FARS2: variants seen among roughly 807,000 people sequenced by gnomAD.
FARS2 encodes the protein phenylalanyl-tRNA synthetase 2, mitochondrial.
Under a neutral mutation model 46.4 loss-of-function variants are expected in FARS2, and 40 were observed. The observed-to-expected ratio is 0.86, with a 90% CI of 0.67 to 1.12. The LOEUF (loss-of-function observed/expected upper bound fraction) is 1.12, where lower values mean the gene tolerates loss of function less well. Among genes scored for constraint, FARS2 ranks in the 50% most tolerant of loss-of-function variants. FARS2 has a pLI of 0.00. For missense variants in FARS2, 513 were observed against 567.9 expected, an observed-to-expected ratio of 0.90 and a Z score of 0.98; for synonymous variants, 234 against 214.9, an observed-to-expected ratio of 1.09 and a Z score of -0.78.
chr6:5,498,255 A>G (rs1767586495), intron 4 of FARS2, among the ~76,000 whole-genome samples: 1 of 152,232 alleles, frequency 6.6e-6, no homozygotes, highest in South Asian at 2.1e-4. Flanking sequence ...TCAGTTCTGG[A>G]TTATCTCAAA....
chr6:5,737,094 G>GC (rs1242788577), intron 6 of FARS2, among the ~76,000 whole-genome samples: 1 of 152,166 alleles, frequency 6.6e-6, no homozygotes. Flanking sequence ...TAGCAACACA[G>GC]ATGACCCTGC....
intron 1 of FARS2, among the ~76,000 whole-genome samples, chr6:5,321,553 G>A: frequency 6.6e-6 from 1 of 151,860 alleles, no homozygotes; most frequent in Non-Finnish European, 1.5e-5. Context: ...ACTGTGCAGG[G>A]GTGAAGAGGT....
chr6:5,286,935 A>G (rs1036694930), intron 1 of FARS2, among the ~76,000 whole-genome samples: 1 of 152,238 alleles, frequency 6.6e-6, no homozygotes, highest in African/African-American at 2.4e-5. Context: ...CCCGTAGTGC[A>G]GAAAGCCTGA....
intron 4 of FARS2, among the ~76,000 whole-genome samples, chr6:5,529,946 C>T (rs1193466253): frequency 6.6e-6 from 1 of 152,230 alleles, no homozygotes; most frequent in Non-Finnish European, 1.5e-5. Flanking sequence ...AGGCAGCCAA[C>T]ACCAGACATG....
chr6:5,333,936 C>T (rs1413673236), intron 1 of FARS2, among the ~76,000 whole-genome samples: 2 of 152,198 alleles, frequency 1.3e-5, no homozygotes, highest in Non-Finnish European at 2.9e-5. Context: ...GGAATGCCTC[C>T]TCTGGCATCC....
At chr6:5,527,951 GC>G (rs1769572392) in intron 4 of FARS2, among the ~76,000 whole-genome samples, 1 of 152,170 alleles carries the variant, frequency 6.6e-6, no homozygotes, top group Admixed American at 6.5e-5. Flanking sequence ...TGTACTGGGG[GC>G]TAGTCAAAGG....
chr6:5,463,644 C>A (rs1323888495), intron 4 of FARS2, among the ~76,000 whole-genome samples: 1 of 151,916 alleles, frequency 6.6e-6, no homozygotes. Flanking sequence ...CTGTGGATTT[C>A]ATTTCTTATG....
intron 5 of FARS2, among the ~76,000 whole-genome samples, chr6:5,582,134 C>A (rs6597146): frequency 1.1e-5 from 1 of 94,946 alleles, no homozygotes; most frequent in Admixed American, 1.1e-4. Flanking sequence ...AACATACTTC[C>A]GGTTAATTCC....
At chr6:5,567,252 C>G (rs572151592) in intron 5 of FARS2, among the ~76,000 whole-genome samples, 5 of 152,330 alleles carry the variant, frequency 3.3e-5, no homozygotes, top group African/African-American at 1.2e-4. Context: ...TTGCATTTCT[C>G]TAATGACTAG....
intron 5 of FARS2, among the ~76,000 whole-genome samples, chr6:5,547,920 C>G (rs1354314675): frequency 6.6e-6 from 1 of 152,194 alleles, no homozygotes; most frequent in African/African-American, 2.4e-5. Context: ...ACCTTTTCAA[C>G]TGTATTAGTC....
chr6:5,378,115 G>A (rs1230404143), intron 2 of FARS2, among the ~76,000 whole-genome samples: 3 of 152,134 alleles, frequency 2.0e-5, no homozygotes, highest in Non-Finnish European at 2.9e-5. Flanking sequence ...TACTGGAATG[G>A]CCCTTCATCA....
rs116695665 is a variant in FARS2 at position 5,425,349 on chromosome 6, A to G, written c.773-5692A>G. On this transcript the variant is annotated intron_variant, in intron 3 of 6. Coordinates refer to ENST00000274680, the MANE Select transcript of FARS2 (RefSeq NM_006567.5). ...AAACGGTATGGGAAACAGCAGAAGA[A>G]TCTCTTTAATGAGTCAATAAATCAG... Among the ~76,000 whole-genome samples the G allele has an allele frequency of 5.5e-3, 841 of 152,328 alleles. 5 individuals carry two copies. The highest frequency in any genetic ancestry group is 0.019 in the African/African-American group (794 of 41,572).
chr6:5,463,078 A>G (rs969315455), intron 4 of FARS2, among the ~76,000 whole-genome samples: 1 of 152,188 alleles, frequency 6.6e-6, no homozygotes, highest in African/African-American at 2.4e-5. Flanking sequence ...TCCAGTAACT[A>G]TTTACGAAAG....
chr6:5,405,891 T>G (rs1310692853), intron 3 of FARS2, among the ~76,000 whole-genome samples: 1 of 152,166 alleles, frequency 6.6e-6, no homozygotes, highest in Non-Finnish European at 1.5e-5. Context: ...TAACAGTATA[T>G]TATATCAACA....
At chr6:5,731,378 G>A (rs1442333655) in intron 6 of FARS2, among the ~76,000 whole-genome samples, 1 of 151,736 alleles carries the variant, frequency 6.6e-6, no homozygotes, top group East Asian at 1.9e-4. Context: ...CTCCTCCTCT[G>A]TGAGGCTGTC....
intron 4 of FARS2, among the ~76,000 whole-genome samples, chr6:5,477,732 G>C (rs1766206492): frequency 6.6e-6 from 1 of 152,118 alleles, no homozygotes; most frequent in Non-Finnish European, 1.5e-5. Context: ...CAAATACTTA[G>C]GCAAGGCTGG....
chr6:5,499,580 C>G (rs1767670157), intron 4 of FARS2, among the ~76,000 whole-genome samples: 1 of 152,168 alleles, frequency 6.6e-6, no homozygotes, highest in South Asian at 2.1e-4. Flanking sequence ...GGATTGACAG[C>G]TAATGATTGC....
At chr6:5,554,789 C>T (rs904766366) in intron 5 of FARS2, among the ~76,000 whole-genome samples, 6 of 152,132 alleles carry the variant, frequency 3.9e-5, no homozygotes, top group Admixed American at 3.3e-4. Context: ...TAGTAAGTAA[C>T]GGAGCCAGGA....
chr6:5,731,923 C>T (rs992058449), intron 6 of FARS2, among the ~76,000 whole-genome samples: 1 of 152,120 alleles, frequency 6.6e-6, no homozygotes, highest in African/African-American at 2.4e-5. Flanking sequence ...CTGTATGAGA[C>T]TCTCACGCAG....
Sources: allele counts gnomAD v4.1 joint callset (sites outside exome capture counted in the v4.1 genomes callset), GRCh38; gene constraint gnomAD v4.1.1; transcripts MANE v1.5; gene names NCBI Gene and HGNC (gene_info 2026-07-23, HGNC 2026-07-21).